STK39: variants seen among roughly 807,000 people sequenced by gnomAD.
The protein encoded by STK39 is serine/threonine kinase 39.
In STK39, 20 loss-of-function variants were observed where a neutral mutation model predicts 77.8. The observed-to-expected ratio is 0.26, with a 90% CI of 0.18 to 0.37. The LOEUF is 0.37. STK39 is among the 10% of genes least tolerant of loss of function. The probability of loss-of-function intolerance (pLI) is 1.00; values close to 1 mark genes in which losing one functional copy is unlikely to be tolerated. For missense variants in STK39, 479 were observed against 656.5 expected (o/e 0.73, Z 2.95); for synonymous variants, 246 against 234.1 (o/e 1.05, Z -0.47).
At chr2:167,995,537 G>A (rs1683815759) in intron 16 of STK39, among the ~76,000 whole-genome samples, 1 of 152,142 alleles carries the variant, frequency 6.6e-6, no homozygotes, top group Non-Finnish European at 1.5e-5. Flanking sequence ...TACCACATCA[G>A]GAATTTGGAG....
intron 1 of STK39, among the ~76,000 whole-genome samples, chr2:168,233,623 A>G (rs1397115219): frequency 7.7e-6 from 1 of 130,612 alleles, no homozygotes; most frequent in Non-Finnish European, 1.8e-5. Context: ...AATGTTTCTA[A>G]CTCAAAGGAA....
Position 168,074,377 on chromosome 2 carries a change from TCATTAGG to T in STK39, c.1242+598_1242+604del, listed in dbSNP as rs1686019470. ...TAGCAGGTCTTGTGAACTACAGTTA[TCATTAGG>T]CATTAGGATAATTAATCAAATGGAG... On this transcript the variant is annotated intron_variant, in intron 12 of 17. Transcript: ENST00000355999. Among the ~76,000 whole-genome samples, 3 of 152,376 alleles carry T rather than the reference TCATTAGG, an allele frequency of 2.0e-5. No individual in the cohort carries two copies. The South Asian group carries it at 6.2e-4, about 32-fold the overall frequency.
chr2:168,245,602 G>A (rs1690877246), intron 1 of STK39, among the ~76,000 whole-genome samples: 1 of 152,232 alleles, frequency 6.6e-6, no homozygotes, highest in Non-Finnish European at 1.5e-5. Context: ...ACTCACAGGA[G>A]GGAAGAGCCT....
Position 168,247,342 on chromosome 2 carries a change from T to A in STK39, c.94A>T (p.Thr32Ser). 1 of 1,042,468 alleles carries A rather than the reference T, an allele frequency of 9.6e-7. No homozygotes were observed. Among genetic ancestry groups the A allele is most frequent in the Non-Finnish European group, 1.2e-6 (1 of 864,734 alleles). The allele number at this position is 1,042,468 out of a possible 1,614,324, so 64.6% of individuals were successfully genotyped here. ...AAAAAAPAAA[T>S]AAPAPAAPAA... The stretch of plus-strand genomic sequence containing the variant: ...GGAGCTGCCGGGGCCGGCGCTGCTG[T>A]CGCGGCCGCCGGGGCCGCCGCCGCC... Residue 32 changes from threonine (T) to serine (S), a missense_variant, in exon 1 of 18, where the codon ACA becomes TCA. By Grantham distance (58) the Thr-to-Ser change is moderately conservative. Around this residue, in one of 3 missense-constraint regions of STK39, gnomAD observed 96 missense variants for 79.1 expected, o/e 1.21. Transcript: ENST00000355999.
intron 10 of STK39, among the ~76,000 whole-genome samples, chr2:168,085,237 G>C (rs1164922478): frequency 6.6e-6 from 1 of 152,168 alleles, no homozygotes; most frequent in Non-Finnish European, 1.5e-5. Flanking sequence ...CTTTCTTGTG[G>C]AAAAAGAAGG....
At chr2:168,244,527 A>G (rs999821585) in intron 1 of STK39, among the ~76,000 whole-genome samples, 2 of 152,224 alleles carry the variant, frequency 1.3e-5, no homozygotes, top group Admixed American at 1.3e-4. Flanking sequence ...AAGGCTGTCA[A>G]CTGGCATTCA....
intron 12 of STK39, among the ~76,000 whole-genome samples, chr2:168,065,829 T>G (rs1574434771): frequency 6.6e-6 from 1 of 152,206 alleles, no homozygotes; most frequent in Non-Finnish European, 1.5e-5. Flanking sequence ...AATCTAACTA[T>G]GAGCAATTAT....
chr2:168,232,772 C>G (rs530116279), intron 1 of STK39, among the ~76,000 whole-genome samples: 1 of 152,022 alleles, frequency 6.6e-6, no homozygotes, highest in South Asian at 2.1e-4. Context: ...ATTAGCTGGA[C>G]GTAGTGGCAG....
chr2:168,119,660 C>T (rs7603464), intron 10 of STK39, among the ~76,000 whole-genome samples: 105,504 of 152,014 alleles, frequency 0.69, 37,980 homozygotes, highest in Non-Finnish European at 0.8. Flanking sequence ...AACTTTTGCT[C>T]AGTTAGCTTT....
intron 10 of STK39, among the ~76,000 whole-genome samples, chr2:168,116,695 G>C (rs1251190408): frequency 6.6e-6 from 1 of 152,000 alleles, no homozygotes; most frequent in African/African-American, 2.4e-5. Flanking sequence ...AAGAGGCCAG[G>C]GCAGAGGGGC....
chr2:167,964,613 C>G (rs1362814705), intron 17 of STK39, 49 bp downstream of exon 17: 1 of 1,485,114 alleles, frequency 6.7e-7, no homozygotes, highest in Non-Finnish European at 9.4e-7. Flanking sequence ...TCCCTGCTGG[C>G]ACAGCATGGC....
At position 167,959,852 on chromosome 2, in the gene STK39, G is replaced by C. The variant is rs112592762; in HGVS notation, c.1564-4282C>G. The stretch of plus-strand genomic sequence containing the variant: ...TGCTGCATGTGTGCCGACATTACCA[G>C]TTTTACCCACCACGGCTTTACACCA... On this transcript the variant is annotated intron_variant, in intron 17 of 17. Coordinates refer to ENST00000355999, the MANE Select transcript of STK39 (RefSeq NM_013233.3). Among the ~76,000 whole-genome samples, 335 of 152,246 alleles carry C rather than the reference G, an allele frequency of 2.2e-3. 1 individual carries two copies. The highest frequency in any genetic ancestry group is 7.7e-3 in the African/African-American group (318 of 41,548).
At chr2:168,145,654 T>C (rs1000163766) in intron 5 of STK39, among the ~76,000 whole-genome samples, 1 of 152,180 alleles carries the variant, frequency 6.6e-6, no homozygotes, top group African/African-American at 2.4e-5. Flanking sequence ...AACTGTGTGG[T>C]TATGATGTCT....
At chr2:168,225,965 A>C (rs1258350743) in intron 1 of STK39, among the ~76,000 whole-genome samples, 1 of 152,224 alleles carries the variant, frequency 6.6e-6, no homozygotes, top group East Asian at 1.9e-4. Flanking sequence ...AAATACAGAC[A>C]GAATCCAGCA....
intron 10 of STK39, among the ~76,000 whole-genome samples, chr2:168,112,410 T>C (rs914326616): frequency 1.2e-4 from 19 of 152,112 alleles, no homozygotes; most frequent in African/African-American, 4.3e-4. Context: ...GTTTCCCCCA[T>C]GCTGTTCTCA....
intron 16 of STK39, among the ~76,000 whole-genome samples, chr2:168,008,304 G>C (rs777803386): frequency 4.6e-5 from 7 of 152,210 alleles, no homozygotes; most frequent in Non-Finnish European, 1.0e-4. Flanking sequence ...ATGTGAGATG[G>C]TGAGCAAAGG....
intron 16 of STK39, among the ~76,000 whole-genome samples, chr2:168,005,367 C>G (rs995800757): frequency 4.7e-5 from 7 of 149,366 alleles, no homozygotes; most frequent in Admixed American, 3.3e-4. Flanking sequence ...AGTCATGTGA[C>G]AATTCTATTT....
At chr2:167,982,334 A>T (rs1231430362) in intron 16 of STK39, among the ~76,000 whole-genome samples, 1 of 152,224 alleles carries the variant, frequency 6.6e-6, no homozygotes, top group Non-Finnish European at 1.5e-5. Flanking sequence ...TGTAACCTAC[A>T]TAAAATGTCT....
At chr2:167,987,380 C>T (rs1683587570) in intron 16 of STK39, among the ~76,000 whole-genome samples, 1 of 152,064 alleles carries the variant, frequency 6.6e-6, no homozygotes. Context: ...GATAGCATCA[C>T]CCCTCTTCGT....
Sources: allele counts gnomAD v4.1 joint callset (sites outside exome capture counted in the v4.1 genomes callset), GRCh38; gene constraint gnomAD v4.1.1; regional missense constraint gnomAD v4.1.1; transcripts MANE v1.5; gene names NCBI Gene and HGNC (gene_info 2026-07-23, HGNC 2026-07-21).